SWAP70: variants seen among roughly 807,000 people sequenced by gnomAD.
The protein encoded by SWAP70 is switch-associated protein 70.
In SWAP70, 34 loss-of-function variants were observed where a neutral mutation model predicts 80.2. That is an observed-to-expected ratio of 0.42 (90% CI 0.32 to 0.56). The LOEUF (loss-of-function observed/expected upper bound fraction) is 0.56. Among genes scored for constraint, SWAP70 ranks in the 20% least tolerant of loss-of-function variants. The pLI is 0.09. For missense variants in SWAP70, 578 were observed against 690.7 expected, an observed-to-expected ratio of 0.84 and a Z score of 1.83; for synonymous variants, 239 against 238.5, an observed-to-expected ratio of 1.00 and a Z score of -0.02.
intron 3 of SWAP70, among the ~76,000 whole-genome samples, chr11:9,713,958 C>T (rs112834563): frequency 7.9e-5 from 12 of 152,134 alleles, no homozygotes; most frequent in Admixed American, 5.2e-4. Flanking sequence ...ATTGACAAAA[C>T]GTAACTGGCT....
intron 3 of SWAP70, among the ~76,000 whole-genome samples, chr11:9,718,783 AT>A (rs11428515): frequency 3.3e-5 from 5 of 151,612 alleles, no homozygotes; most frequent in South Asian, 4.2e-4. Flanking sequence ...TTTAAGAAAG[AT>A]TTTTTTTTAA....
At chr11:9,695,631 A>G (rs576123601) in intron 2 of SWAP70, among the ~76,000 whole-genome samples, 8 of 138,618 alleles carry the variant, frequency 5.8e-5, no homozygotes, top group African/African-American at 7.9e-5. Flanking sequence ...GGGTTGGGGG[A>G]TGAGGGGAGG....
chr11:9,737,873 C>T (rs1262450448), intron 7 of SWAP70, among the ~76,000 whole-genome samples: 4 of 151,996 alleles, frequency 2.6e-5, no homozygotes, highest in African/African-American at 4.8e-5. Context: ...TCCAGCCTGG[C>T]GACAGAGCAA....
At chr11:9,745,820 G>A (rs923043515) in intron 9 of SWAP70, among the ~76,000 whole-genome samples, 3 of 152,114 alleles carry the variant, frequency 2.0e-5, no homozygotes, top group Non-Finnish European at 4.4e-5. Context: ...TCTTACTTGC[G>A]AACCACAGAA....
intron 3 of SWAP70, among the ~76,000 whole-genome samples, chr11:9,718,526 T>A (rs1851093854): frequency 6.6e-6 from 1 of 152,352 alleles, no homozygotes; most frequent in East Asian, 1.9e-4. Context: ...TTGCTTCCTT[T>A]CTGAATAATA....
At chr11:9,700,184 T>C (rs1420660144) in intron 2 of SWAP70, among the ~76,000 whole-genome samples, 1 of 152,094 alleles carries the variant, frequency 6.6e-6, no homozygotes, top group Non-Finnish European at 1.5e-5. Flanking sequence ...GGGGAGGAAA[T>C]ATAGTAGTGT....
rs1415569563 is a variant in SWAP70 at position 9,724,781 on chromosome 11, G to A, written c.538G>A (p.Glu180Lys). ...KNGLSAWELI[E>K]LIGNGQFSKG... ...TGGCCTTTCTGCATGGGAACTTATT[G>A]AGCTTATTGGAAATGGACAGTTTAG... The change falls in exon 4 of 12, where the codon GAG becomes AAG. Residue 180 changes from glutamate (E) to lysine (K), a missense_variant. Glu to Lys is a moderately conservative substitution (Grantham distance 56). Transcript: ENST00000318950. 4 of 1,614,032 alleles carry A rather than the reference G, an allele frequency of 2.5e-6. No homozygotes were observed. Among genetic ancestry groups the A allele is most frequent in the Non-Finnish European group, 3.4e-6 (4 of 1,179,946 alleles).
At chr11:9,684,107 G>A (rs1850601863) in intron 1 of SWAP70, among the ~76,000 whole-genome samples, 1 of 151,682 alleles carries the variant, frequency 6.6e-6, no homozygotes, top group South Asian at 2.1e-4. Context: ...TTTGAGACAG[G>A]GTCTTACACT....
At chr11:9,725,595 C>T (rs1245182763) in intron 4 of SWAP70, among the ~76,000 whole-genome samples, 49 of 111,942 alleles carry the variant, frequency 4.4e-4, no homozygotes, top group Non-Finnish European at 7.1e-4. Flanking sequence ...TTTTCCAAGA[C>T]GGAATTTCAC....
At chr11:9,668,995 A>T (rs1850341605) in intron 1 of SWAP70, among the ~76,000 whole-genome samples, 1 of 152,190 alleles carries the variant, frequency 6.6e-6, no homozygotes, top group African/African-American at 2.4e-5. Context: ...CCAGATAGAG[A>T]TTATATTACT....
At chr11:9,713,733 A>G in intron 3 of SWAP70, 94 bp downstream of exon 3, 2 of 1,379,880 alleles carry the variant, frequency 1.4e-6, no homozygotes, top group Non-Finnish European at 9.9e-7. Flanking sequence ...TAGATATGGA[A>G]GGAGATCCTT....
At chr11:9,742,461 C>T (rs535836360) in intron 9 of SWAP70, among the ~76,000 whole-genome samples, 5 of 151,964 alleles carry the variant, frequency 3.3e-5, no homozygotes, top group East Asian at 3.9e-4. Flanking sequence ...CTCAGCCTCC[C>T]GAGTAGCTGG....
intron 8 of SWAP70, 143 bp downstream of exon 8, chr11:9,738,463 T>C: frequency 4.2e-6 from 2 of 481,218 alleles, no homozygotes; most frequent in Non-Finnish European, 7.2e-6. Context: ...GGAAGTTGCA[T>C]GTTTGTTCAT....
intron 2 of SWAP70, among the ~76,000 whole-genome samples, chr11:9,708,009 A>G (rs1487185371): frequency 2.6e-5 from 4 of 152,112 alleles, no homozygotes; most frequent in Admixed American, 1.3e-4. Context: ...CCTGCACCCA[A>G]TGTATATCAC....
At position 9,666,940 on chromosome 11, in the gene SWAP70, G is replaced by C. The variant is rs547139431; in HGVS notation, c.99+2662G>C. On this transcript the variant is annotated intron_variant, in intron 1 of 11. Coordinates refer to ENST00000318950, the MANE Select transcript of SWAP70 (RefSeq NM_015055.4). ...GGGTTTCACCATATTGGCCAGGGTGGTCTCAAACTCCTGACCTCGTGATCT... is the reference window on the plus strand; with the variant it reads ...GGGTTTCACCATATTGGCCAGGGTGCTCTCAAACTCCTGACCTCGTGATCT... Among the ~76,000 whole-genome samples the C allele has an allele frequency of 3.2e-4, 49 of 152,136 alleles. No individual in the cohort carries two copies. In the East Asian group the frequency reaches 9.3e-3, roughly 29 times the overall value.
intron 1 of SWAP70, among the ~76,000 whole-genome samples, chr11:9,691,832 G>A (rs1029801578): frequency 6.6e-6 from 1 of 152,196 alleles, no homozygotes. Context: ...AAACCCTAAG[G>A]TAGAGAACAG....
chr11:9,710,140 C>T (rs966971785), intron 2 of SWAP70, among the ~76,000 whole-genome samples: 28 of 151,694 alleles, frequency 1.8e-4, no homozygotes, highest in Admixed American at 3.9e-4. Context: ...AGTGGACCCT[C>T]GAAGTTCAAA....
chr11:9,737,712 A>G (rs1194512877), intron 7 of SWAP70, among the ~76,000 whole-genome samples: 1 of 152,210 alleles, frequency 6.6e-6, no homozygotes, highest in Non-Finnish European at 1.5e-5. Context: ...CCTGGCCAAC[A>G]TGATGAAACC....
intron 2 of SWAP70, among the ~76,000 whole-genome samples, chr11:9,697,650 A>G (rs1260727089): frequency 1.3e-5 from 2 of 152,230 alleles, no homozygotes; most frequent in Admixed American, 1.3e-4. Flanking sequence ...TAAAAATTAC[A>G]ATGTTCATCT....
Sources: gnomAD v4.1 joint callset for allele counts (sites outside exome capture counted in the v4.1 genomes callset) on GRCh38, gnomAD v4.1.1 for gene constraint, MANE v1.5 for transcripts, NCBI Gene and HGNC (gene_info 2026-07-23, HGNC 2026-07-21) for gene names.